CHRNA7: variants seen among roughly 807,000 people sequenced by gnomAD.
CHRNA7 encodes neuronal acetylcholine receptor subunit alpha-7.
Under a neutral mutation model 48.0 loss-of-function variants are expected in CHRNA7, and 17 were observed. That is an observed-to-expected ratio of 0.35 (90% CI 0.24 to 0.53). The LOEUF is 0.53. Ranked by LOEUF, CHRNA7 falls within the 20% of genes least tolerant of loss-of-function variation. CHRNA7 has a pLI of 0.92. For synonymous variants in CHRNA7, 75 were observed against 242.3 expected (o/e 0.31, Z 6.41); for missense variants, 155 against 577.7 (o/e 0.27, Z 7.50).
intron 4 of CHRNA7, among the ~76,000 whole-genome samples, chr15:32,134,615 A>G (rs1362440741): frequency 1.3e-5 from 2 of 151,756 alleles, no homozygotes; most frequent in Admixed American, 1.3e-4. Flanking sequence ...AAATTAAAAC[A>G]CATACAGAAA....
At chr15:32,085,791 G>T (rs948310069) in intron 2 of CHRNA7, among the ~76,000 whole-genome samples, 4 of 152,048 alleles carry the variant, frequency 2.6e-5, no homozygotes, top group Admixed American at 2.6e-4. Flanking sequence ...TTTACTCTTG[G>T]ACGGCAGTGT....
chr15:32,067,249 C>A (rs1249514851), intron 2 of CHRNA7, among the ~76,000 whole-genome samples: 1 of 152,090 alleles, frequency 6.6e-6, no homozygotes, highest in African/African-American at 2.4e-5. Context: ...TGTTGAAAGA[C>A]AAAGAGGGAA....
intron 2 of CHRNA7, among the ~76,000 whole-genome samples, chr15:32,088,800 T>A (rs1595433343): frequency 6.6e-6 from 1 of 152,224 alleles, no homozygotes; most frequent in East Asian, 1.9e-4. Context: ...CTGGTTTCTT[T>A]CCTATATTTT....
At chr15:32,128,201 T>TA (rs1200620040) in intron 4 of CHRNA7, among the ~76,000 whole-genome samples, 2 of 152,026 alleles carry the variant, frequency 1.3e-5, no homozygotes, top group African/African-American at 4.8e-5. Context: ...TTTCATCGTA[T>TA]AGTAACGCTT....
intron 2 of CHRNA7, among the ~76,000 whole-genome samples, chr15:32,077,978 A>G (rs1474138397): frequency 6.6e-6 from 1 of 152,142 alleles, no homozygotes; most frequent in Admixed American, 6.5e-5. Context: ...CTTAGGTGCC[A>G]CCTCCAGTGT....
chr15:32,117,098 G>A (rs148922315), intron 4 of CHRNA7, among the ~76,000 whole-genome samples: 6 of 152,298 alleles, frequency 3.9e-5, no homozygotes, highest in African/African-American at 1.4e-4. Flanking sequence ...AGCTTATTTG[G>A]GAAGGGATCC....
At chr15:32,152,544 A>G (rs904805228) in intron 4 of CHRNA7, among the ~76,000 whole-genome samples, 5 of 152,186 alleles carry the variant, frequency 3.3e-5, no homozygotes, top group East Asian at 3.9e-4. Context: ...GCCGTCCTTC[A>G]TTGTGGCTTC....
intron 4 of CHRNA7, among the ~76,000 whole-genome samples, chr15:32,126,006 A>C (rs1459702695): frequency 8.3e-6 from 1 of 120,348 alleles, no homozygotes; most frequent in East Asian, 2.2e-4. Context: ...TTGGTAGCTG[A>C]TAGCAAAAAA....
intron 4 of CHRNA7, among the ~76,000 whole-genome samples, chr15:32,121,106 T>G (rs944338882): frequency 6.6e-6 from 1 of 152,212 alleles, no homozygotes; most frequent in Non-Finnish European, 1.5e-5. Context: ...CTCCCCAGCA[T>G]GCTAAGACCT....
intron 2 of CHRNA7, among the ~76,000 whole-genome samples, chr15:32,048,569 TATTAGTCTTGC>T (rs1282070897): frequency 1.3e-5 from 2 of 152,160 alleles, no homozygotes; most frequent in Admixed American, 1.3e-4. Flanking sequence ...TTTTTTTCTT[TATTAGTCTTGC>T]TAGCGGTCTA....
intron 4 of CHRNA7, among the ~76,000 whole-genome samples, chr15:32,148,389 C>G (rs1220327957): frequency 6.6e-6 from 1 of 152,140 alleles, no homozygotes; most frequent in African/African-American, 2.4e-5. Context: ...CACAATCACT[C>G]TCTTCTTTTC....
At chr15:32,032,714 T>C (rs940365384) in intron 2 of CHRNA7, among the ~76,000 whole-genome samples, 2 of 152,192 alleles carry the variant, frequency 1.3e-5, no homozygotes, top group South Asian at 4.1e-4. Context: ...TTGGAGTGGG[T>C]GACCCTGTAT....
chr15:32,047,423 C>G (rs563886610), intron 2 of CHRNA7, among the ~76,000 whole-genome samples: 83 of 152,080 alleles, frequency 5.5e-4, no homozygotes, highest in Non-Finnish European at 9.4e-4. Context: ...ATTTTATTCT[C>G]TTTGAAGCAA....
At chr15:32,104,377 G>A (rs1269856642) in intron 3 of CHRNA7, among the ~76,000 whole-genome samples, 1 of 151,918 alleles carries the variant, frequency 6.6e-6, no homozygotes, top group Non-Finnish European at 1.5e-5. Context: ...CTTCCTAAAG[G>A]TCAACTCTTC....
chr15:32,128,743 C>G (rs2051109624), intron 4 of CHRNA7, among the ~76,000 whole-genome samples: 1 of 151,640 alleles, frequency 6.6e-6, no homozygotes, highest in Non-Finnish European at 1.5e-5. Context: ...TTTCTGATTT[C>G]TAGGCCTCTT....
intron 3 of CHRNA7, among the ~76,000 whole-genome samples, chr15:32,105,661 A>G (rs2050657782): frequency 6.6e-6 from 1 of 152,222 alleles, no homozygotes; most frequent in Admixed American, 6.5e-5. Flanking sequence ...AAGGAGAGGC[A>G]CAAATTCTCC....
intron 4 of CHRNA7, among the ~76,000 whole-genome samples, chr15:32,151,922 T>G (rs2051638185): frequency 6.6e-6 from 1 of 152,198 alleles, no homozygotes. Flanking sequence ...GGCTCTGTAG[T>G]CATGGGCAGC....
rs189244566 is a variant in CHRNA7, at chr15:32,064,753, C to T, written c.195+33716C>T. On this transcript the variant is annotated intron_variant, in intron 2 of 9. Transcript: ENST00000306901. ...CCAAAACAAGGGAGGGGCTGGGGGT[C>T]ATGCATTCTTAACCCACCTCTGTTG... 2.0e-5 allele frequency among the ~76,000 whole-genome samples: 3 copies of T among 152,214 alleles called. No homozygotes were observed. The East Asian group carries it at 5.8e-4, about 29-fold the overall frequency.
intron 2 of CHRNA7, among the ~76,000 whole-genome samples, chr15:32,091,627 C>T (rs1400533946): frequency 2.0e-5 from 3 of 152,296 alleles, no homozygotes; most frequent in African/African-American, 7.2e-5. Flanking sequence ...TTCAAATTTC[C>T]TGGACCATGC....
Sources: gnomAD v4.1 joint callset for allele counts (sites outside exome capture counted in the v4.1 genomes callset) on GRCh38, gnomAD v4.1.1 for gene constraint, MANE v1.5 for transcripts, NCBI Gene and HGNC (gene_info 2026-07-23, HGNC 2026-07-21) for gene names.